Variants in CDH12 observed in about 807,000 individuals in gnomAD.
CDH12 encodes the protein cadherin-12.
CDH12 carries 41 observed loss-of-function variants against 74.1 expected under a neutral mutation model. The observed-to-expected ratio is 0.55, with a 90% CI of 0.43 to 0.72. The LOEUF is 0.72. CDH12 is among the 30% of genes least tolerant of loss of function. The pLI is 0.00. For missense variants in CDH12, 945 were observed against 977.2 expected, an observed-to-expected ratio of 0.97 and a Z score of 0.44; for synonymous variants, 399 against 355.0, an observed-to-expected ratio of 1.12 and a Z score of -1.39.
chr5:22,064,346 T>C (rs1362804429), intron 5 of CDH12, among the ~76,000 whole-genome samples: 2 of 152,188 alleles, frequency 1.3e-5, no homozygotes, highest in Non-Finnish European at 2.9e-5. Flanking sequence ...TAGATATGGA[T>C]AAATACACAC....
intron 1 of CDH12, among the ~76,000 whole-genome samples, chr5:22,834,796 C>T (rs1029649885): frequency 1.1e-4 from 16 of 151,486 alleles, no homozygotes; most frequent in Admixed American, 2.0e-4. Flanking sequence ...CAAGAATAAG[C>T]CATTTGACAT....
chr5:22,670,672 A>G lies in CDH12; in HGVS notation c.-522-165308T>C, dbSNP rs191845217. Among the ~76,000 whole-genome samples the G allele has an allele frequency of 3.7e-3, 569 of 152,122 alleles. 4 individuals carry two copies. Among genetic ancestry groups the G allele is most frequent in the Middle Eastern group, 0.027 (8 of 292 alleles). On this transcript the variant is annotated intron_variant, in intron 1 of 14. Coordinates refer to ENST00000382254, the MANE Select transcript of CDH12 (RefSeq NM_004061.5). ...TATTACTAAGGCAGAGTTCATAAGT[A>G]TTTCCTTGGTATAAATTCCATGTGA...
intron 1 of CDH12, among the ~76,000 whole-genome samples, chr5:22,591,869 T>C (rs1427335266): frequency 1.3e-5 from 2 of 152,230 alleles, no homozygotes; most frequent in Non-Finnish European, 2.9e-5. Flanking sequence ...CTATGATTAA[T>C]GTTCTAGCTA....
At chr5:21,868,698 G>A (rs781266918) in intron 6 of CDH12, among the ~76,000 whole-genome samples, 1 of 152,200 alleles carries the variant, frequency 6.6e-6, no homozygotes, top group Non-Finnish European at 1.5e-5. Flanking sequence ...TATTTTGGAA[G>A]CAGGTAACTT....
intron 8 of CDH12, among the ~76,000 whole-genome samples, chr5:21,817,985 A>T (rs1748156678): frequency 6.6e-6 from 1 of 152,082 alleles, no homozygotes; most frequent in Admixed American, 6.6e-5. Flanking sequence ...AAGGTTTTGT[A>T]GAATTTTTCA....
chr5:22,192,146 A>G (rs1035058634), intron 4 of CDH12, among the ~76,000 whole-genome samples: 7 of 151,624 alleles, frequency 4.6e-5, no homozygotes, highest in African/African-American at 1.7e-4. Flanking sequence ...GTTGGCCAGG[A>G]TGGTCTCAAA....
intron 3 of CDH12, among the ~76,000 whole-genome samples, chr5:22,283,106 T>C (rs941306889): frequency 6.7e-6 from 1 of 150,372 alleles, no homozygotes; most frequent in African/African-American, 2.4e-5. Flanking sequence ...CATGGATGAA[T>C]ATTTGTCACA....
At chr5:22,629,703 G>C (rs1413467887) in intron 1 of CDH12, among the ~76,000 whole-genome samples, 4 of 152,040 alleles carry the variant, frequency 2.6e-5, no homozygotes. Flanking sequence ...ACTGGAACAA[G>C]ACAAGGATAC....
chr5:21,779,176 GT>G (rs538285112), intron 11 of CDH12: 145 of 152,016 alleles, frequency 9.5e-4, no homozygotes, highest in African/African-American at 3.3e-3. Context: ...TAAGGATTTA[GT>G]GAAGTTATGT....
At position 22,230,899 on chromosome 5, in the gene CDH12, G is replaced by A. The variant is rs529858488; in HGVS notation, c.-332-18256C>T. On this transcript the variant is annotated intron_variant, in intron 3 of 14. Transcript: ENST00000382254. ...AACTTATTATGTTTATCAGGCCTAC[G>A]AATGATGAAGATGAAGGAATAGCAG... 2.2e-4 allele frequency among the ~76,000 whole-genome samples: 33 copies of A among 152,196 alleles called. No homozygotes were observed. The East Asian group carries it at 2.3e-3, about 11-fold the overall frequency.
At chr5:22,625,137 A>G (rs1738216139) in intron 1 of CDH12, among the ~76,000 whole-genome samples, 1 of 152,128 alleles carries the variant, frequency 6.6e-6, no homozygotes, top group Admixed American at 6.6e-5. Context: ...AGGAAGGGGA[A>G]CATCACACAC....
chr5:22,576,711 C>T (rs1487576147), intron 1 of CDH12, among the ~76,000 whole-genome samples: 2 of 151,348 alleles, frequency 1.3e-5, no homozygotes, highest in African/African-American at 2.4e-5. Context: ...TCCAAGGAGG[C>T]GATGGTCCTT....
At chr5:22,340,036 ACGGAAAGT>A (rs1739775210) in intron 3 of CDH12, among the ~76,000 whole-genome samples, 1 of 152,210 alleles carries the variant, frequency 6.6e-6, no homozygotes, top group South Asian at 2.1e-4. Flanking sequence ...CACTTACAAG[ACGGAAAGT>A]CATTAAATTC....
intron 1 of CDH12, among the ~76,000 whole-genome samples, chr5:22,708,681 T>C (rs1027212655): frequency 2.6e-5 from 4 of 152,234 alleles, no homozygotes; most frequent in Middle Eastern, 6.8e-3. Context: ...GATTTGATAA[T>C]GTAATCTCTC....
chr5:22,846,302 T>C (rs887386566), intron 1 of CDH12, among the ~76,000 whole-genome samples: 4 of 152,108 alleles, frequency 2.6e-5, no homozygotes, highest in African/African-American at 9.7e-5. Flanking sequence ...CATTCTGAAT[T>C]GAAGTCAGCA....
chr5:22,473,878 G>T (rs559515091), intron 2 of CDH12, among the ~76,000 whole-genome samples: 1 of 152,082 alleles, frequency 6.6e-6, no homozygotes, highest in Non-Finnish European at 1.5e-5. Flanking sequence ...ATCTCAAAAA[G>T]TTGGGTTGAA....
At chr5:22,517,956 T>G (rs1305348617) in intron 1 of CDH12, among the ~76,000 whole-genome samples, 1 of 152,198 alleles carries the variant, frequency 6.6e-6, no homozygotes, top group African/African-American at 2.4e-5. Context: ...TGGGCGTTCA[T>G]GTTTCTCAGC....
chr5:22,065,629 A>T (rs1741505057), intron 5 of CDH12, among the ~76,000 whole-genome samples: 1 of 152,152 alleles, frequency 6.6e-6, no homozygotes, highest in South Asian at 2.1e-4. Context: ...TCTAGAGGAC[A>T]CACCTTTCAC....
At chr5:22,720,013 C>T (rs1743793303) in intron 1 of CDH12, among the ~76,000 whole-genome samples, 1 of 148,674 alleles carries the variant, frequency 6.7e-6, no homozygotes, top group Non-Finnish European at 1.5e-5. Context: ...ACTGCTGCCT[C>T]AGCACTAGGA....
Sources: allele counts gnomAD v4.1 joint callset (sites outside exome capture counted in the v4.1 genomes callset), GRCh38; gene constraint gnomAD v4.1.1; transcripts MANE v1.5; gene names NCBI Gene and HGNC (gene_info 2026-07-23, HGNC 2026-07-21).